The following RARB variants were observed in gnomAD, a reference collection of about 807,000 sequenced individuals.
RARB encodes the protein retinoic acid receptor beta, also known as HBV-activated protein.
RARB carries 17 observed loss-of-function variants against 51.9 expected under a neutral mutation model. The observed-to-expected ratio is 0.33, with a 90% CI of 0.22 to 0.49. RARB has a LOEUF of 0.49. RARB is among the 20% of genes least tolerant of loss of function. The probability of loss-of-function intolerance (pLI) is 0.99; values close to 1 mark genes in which losing one functional copy is unlikely to be tolerated. For missense variants in RARB, 369 were observed against 550.8 expected (o/e 0.67, Z 3.30); for synonymous variants, 215 against 195.4 (o/e 1.10, Z -0.84).
At chr3:24,860,851 T>C (rs1189339442) in intron 2 of RARB, among the ~76,000 whole-genome samples, 2 of 152,184 alleles carry the variant, frequency 1.3e-5, no homozygotes, top group Non-Finnish European at 2.9e-5. Context: ...TTGAACTACA[T>C]GAACTCAAGG....
intron 2 of RARB, among the ~76,000 whole-genome samples, chr3:25,464,784 C>G (rs1695348776): frequency 6.6e-6 from 1 of 152,032 alleles, no homozygotes. Flanking sequence ...CTGTAAAACT[C>G]AGCTTTTCTG....
intron 2 of RARB, among the ~76,000 whole-genome samples, chr3:25,019,931 A>G (rs889309216): frequency 7.4e-4 from 113 of 152,088 alleles, no homozygotes; most frequent in African/African-American, 2.7e-3. Context: ...CCCAACTTTC[A>G]TACTCTTAAC....
intron 2 of RARB, among the ~76,000 whole-genome samples, chr3:25,021,682 G>A (rs1405084748): frequency 1.3e-5 from 2 of 152,026 alleles, no homozygotes; most frequent in East Asian, 3.9e-4. Context: ...CCATTTAGGT[G>A]TACATTCAGT....
intron 3 of RARB, among the ~76,000 whole-genome samples, chr3:25,127,736 G>A (rs750396207): frequency 3.3e-5 from 5 of 151,956 alleles, no homozygotes; most frequent in Non-Finnish European, 5.9e-5. Flanking sequence ...AATGTGCCCC[G>A]TGTTTCAATT....
intron 2 of RARB, among the ~76,000 whole-genome samples, chr3:25,049,932 G>A (rs970973335): frequency 3.3e-5 from 5 of 152,186 alleles, no homozygotes; most frequent in Admixed American, 6.5e-5. Flanking sequence ...GGAAAGACAC[G>A]TAGACGGGTA....
At chr3:25,424,676 T>G (rs1252789063), upstream of RARB, among the ~76,000 whole-genome samples, 2 of 150,538 alleles carry the variant, frequency 1.3e-5, no homozygotes, top group African/African-American at 5.0e-5. Context: ...TCTGCCCCTG[T>G]GGTGGGGGGG....
Position 25,271,738 on chromosome 3 carries a change from A to T in RARB, c.178+97163A>T, listed in dbSNP as rs539351453. On this transcript the variant is annotated intron_variant, in intron 5 of 11. Coordinates refer to the RARB transcript ENST00000383772. ...TTCAGTAATCTTGTTTATAAAAGAA[A>T]ACCAAATACACTAAAGCACTTTAAA... is the stretch of plus-strand genomic sequence containing the variant. 3.3e-5 allele frequency among the ~76,000 whole-genome samples: 5 copies of T among 152,326 alleles called. 1 individual carries two copies. Among genetic ancestry groups the T allele is most frequent in the African/African-American group, 1.2e-4 (5 of 41,578 alleles).
intron 5 of RARB, among the ~76,000 whole-genome samples, chr3:25,366,954 C>CA (rs202149082): frequency 0.019 from 2,884 of 152,112 alleles, 47 homozygotes; most frequent in African/African-American, 0.045. Context: ...ATTGTAGCAA[C>CA]AGGCAGAATG....
At chr3:25,582,519 G>C (rs1701218243) in intron 5 of RARB, among the ~76,000 whole-genome samples, 1 of 152,052 alleles carries the variant, frequency 6.6e-6, no homozygotes, top group South Asian at 2.1e-4. Flanking sequence ...GATGATGACA[G>C]TTTGTGATAC....
intron 2 of RARB, among the ~76,000 whole-genome samples, chr3:25,052,125 A>T (rs1436872246): frequency 6.6e-6 from 1 of 152,194 alleles, no homozygotes; most frequent in Non-Finnish European, 1.5e-5. Flanking sequence ...GGCCAAAGCT[A>T]ATTGGCCTAC....
intron 2 of RARB, among the ~76,000 whole-genome samples, chr3:25,040,919 G>A (rs1312608204): frequency 6.6e-6 from 1 of 152,146 alleles, no homozygotes; most frequent in Non-Finnish European, 1.5e-5. Flanking sequence ...TTCAAAGTCA[G>A]CTCATTGCTG....
chr3:25,385,914 C>A (rs1196039242), intron 5 of RARB, among the ~76,000 whole-genome samples: 2 of 152,154 alleles, frequency 1.3e-5, no homozygotes, highest in African/African-American at 4.8e-5. Flanking sequence ...GTGCTTAAAG[C>A]CCTAATGCAG....
chr3:25,203,572 G>C (rs983731048), intron 5 of RARB, among the ~76,000 whole-genome samples: 1 of 152,180 alleles, frequency 6.6e-6, no homozygotes, highest in African/African-American at 2.4e-5. Context: ...GCTGGTACTG[G>C]TTGTTCCTTT....
intron 2 of RARB, among the ~76,000 whole-genome samples, chr3:24,967,382 C>G (rs1406503659): frequency 2.0e-5 from 3 of 152,150 alleles, no homozygotes; most frequent in Admixed American, 2.0e-4. Context: ...CTTAGCGTTG[C>G]ATTTCTTCAC....
At chr3:25,208,924 A>G (rs1182777192) in intron 5 of RARB, among the ~76,000 whole-genome samples, 1 of 152,174 alleles carries the variant, frequency 6.6e-6, no homozygotes, top group African/African-American at 2.4e-5. Context: ...CTCTTTACTT[A>G]ATAAAGTGCT....
intron 4 of RARB, among the ~76,000 whole-genome samples, chr3:25,133,444 C>T (rs988077408): frequency 1.3e-5 from 2 of 151,874 alleles, no homozygotes; most frequent in South Asian, 4.2e-4. Flanking sequence ...CTCATCAGCA[C>T]CCTGGAGGAT....
intron 2 of RARB, among the ~76,000 whole-genome samples, chr3:25,054,257 A>G (rs1698394491): frequency 6.6e-6 from 1 of 152,126 alleles, no homozygotes; most frequent in Middle Eastern, 3.2e-3. Flanking sequence ...TTTTTTTGAC[A>G]GGGAAGTTGG....
At position 25,428,599 on chromosome 3, in the gene RARB, C is replaced by T; in HGVS notation, c.-133C>T. 7.1e-7 allele frequency: 1 copy of T among 1,402,168 alleles called. No individual in the cohort carries two copies. Among genetic ancestry groups the T allele is most frequent in the Non-Finnish European group, 9.3e-7 (1 of 1,070,928 alleles). The allele number at this position is 1,402,168 out of a possible 1,614,324, so 86.9% of individuals were successfully genotyped here. ...GTCTGTCATAATTCATGATTCGGGGCTGGGAAAAAGACCAACAGCCTACGT... is the reference window on the plus strand; with the variant it reads ...GTCTGTCATAATTCATGATTCGGGGTTGGGAAAAAGACCAACAGCCTACGT... On this transcript the variant is annotated 5_prime_UTR_variant, in exon 1 of 8. Transcript: ENST00000330688.
chr3:25,335,924 A>G (rs1705048228), intron 5 of RARB, among the ~76,000 whole-genome samples: 1 of 152,356 alleles, frequency 6.6e-6, no homozygotes, highest in African/African-American at 2.4e-5. Context: ...TCAAAGTCTC[A>G]TTAATAAATG....
Sources: allele counts gnomAD v4.1 joint callset (sites outside exome capture counted in the v4.1 genomes callset), GRCh38; gene constraint gnomAD v4.1.1; transcripts MANE v1.5; gene names NCBI Gene and HGNC (gene_info 2026-07-23, HGNC 2026-07-21).